The following IMMP2L variants were observed in gnomAD, a reference collection of about 807,000 sequenced individuals.
The protein encoded by IMMP2L is mitochondrial inner membrane protease subunit 2.
In IMMP2L, 18 loss-of-function variants were observed where a neutral mutation model predicts 19.3. That is an observed-to-expected ratio of 0.93 (90% confidence interval 0.64 to 1.38). The LOEUF is 1.38. IMMP2L is among the 40% of genes most tolerant of loss of function. The pLI is 0.00. For synonymous variants in IMMP2L, 76 were observed against 73.0 expected, an observed-to-expected ratio of 1.04 and a Z score of -0.21; for missense variants, 233 against 218.2, an observed-to-expected ratio of 1.07 and a Z score of -0.43.
chr7:111,102,105 A>T (rs944301521), intron 3 of IMMP2L, among the ~76,000 whole-genome samples: 1 of 151,444 alleles, frequency 6.6e-6, no homozygotes, highest in Non-Finnish European at 1.5e-5. Context: ...ATGAGTCAGA[A>T]TATAACAAAA....
At position 110,741,291 on chromosome 7, in the gene IMMP2L, T is replaced by C. The variant is rs537612912; in HGVS notation, c.409-77570A>G. Among the ~76,000 whole-genome samples, 37 of 152,112 alleles carry C rather than the reference T, an allele frequency of 2.4e-4. 1 individual carries two copies. Among genetic ancestry groups the C allele is most frequent in the Non-Finnish European group, 2.6e-4 (18 of 67,984 alleles). On this transcript the variant is annotated intron_variant, in intron 5 of 5. Coordinates refer to ENST00000405709, the MANE Select transcript of IMMP2L (RefSeq NM_032549.4). Reference sequence around the variant, plus strand: ...ACACGACCTGTTCCCCCAAAACCCATTGAAATAAAAAATAATAAAATAAAA... The same window carrying C: ...ACACGACCTGTTCCCCCAAAACCCACTGAAATAAAAAATAATAAAATAAAA...
At chr7:110,909,700 C>G (rs529477114) in intron 4 of IMMP2L, among the ~76,000 whole-genome samples, 100 of 152,208 alleles carry the variant, frequency 6.6e-4, no homozygotes, top group African/African-American at 2.3e-3. Flanking sequence ...AGTTGAGCAC[C>G]TCCCTATCCA....
chr7:111,177,860 CTTG>C (rs1389873642), intron 3 of IMMP2L, among the ~76,000 whole-genome samples: 1 of 152,054 alleles, frequency 6.6e-6, no homozygotes. Flanking sequence ...TTACAAGGTA[CTTG>C]TTGTCAGAGG....
intron 3 of IMMP2L, among the ~76,000 whole-genome samples, chr7:111,207,534 G>GT (rs376864629): frequency 0.049 from 4,406 of 89,994 alleles, 83 homozygotes; most frequent in Non-Finnish European, 0.06. Flanking sequence ...TTTATTTTTG[G>GT]TTTTTTTTTT....
At chr7:111,285,679 C>T (rs1008305217) in intron 3 of IMMP2L, among the ~76,000 whole-genome samples, 1 of 152,152 alleles carries the variant, frequency 6.6e-6, no homozygotes, top group African/African-American at 2.4e-5. Context: ...TTTCTCCCTC[C>T]TCAAGACTTC....
intron 4 of IMMP2L, among the ~76,000 whole-genome samples, chr7:110,892,020 T>C (rs995927662): frequency 6.6e-6 from 1 of 152,152 alleles, no homozygotes; most frequent in African/African-American, 2.4e-5. Flanking sequence ...GAAATTGATA[T>C]CCCAAAATAC....
At chr7:111,174,100 C>G (rs1806765327) in intron 3 of IMMP2L, among the ~76,000 whole-genome samples, 1 of 151,642 alleles carries the variant, frequency 6.6e-6, no homozygotes, top group Non-Finnish European at 1.5e-5. Context: ...CATACACATA[C>G]TCATATAAGA....
At chr7:111,099,954 G>A (rs1307393148) in intron 3 of IMMP2L, 2 of 151,512 alleles carry the variant, frequency 1.3e-5, no homozygotes, top group East Asian at 3.9e-4. Flanking sequence ...TCCACAGCCC[G>A]GACCCTGGGT....
At position 111,319,781 on chromosome 7, in the gene IMMP2L, G is replaced by C. The variant is rs994827647; in HGVS notation, c.239+167457C>G. Among the ~76,000 whole-genome samples the C allele has an allele frequency of 2.0e-5, 3 of 151,860 alleles. No homozygotes were observed. In the Admixed American group the frequency reaches 2.0e-4, roughly 10 times the overall value. ...AAACAAACAGATTAAAGGAAGACCA[G>C]AACATTGGCTGAAAATACACCTTCA... On this transcript the variant is annotated intron_variant, in intron 3 of 5. Coordinates refer to ENST00000405709, the MANE Select transcript of IMMP2L (RefSeq NM_032549.4).
In IMMP2L at chr7:110,849,355, G is replaced by C. The variant is rs551481051; in HGVS notation, c.408+37238C>G. Among the ~76,000 whole-genome samples, 13 of 152,184 alleles carry C rather than the reference G, an allele frequency of 8.5e-5. No homozygotes were observed. In the South Asian group the frequency reaches 2.7e-3, roughly 32 times the overall value. ...AAAACATAAAATAATCGAGAGATCT[G>C]TCTGTACTTTTAAAACAATACATGT... On this transcript the variant is annotated intron_variant, in intron 5 of 5. Coordinates refer to ENST00000405709, the MANE Select transcript of IMMP2L (RefSeq NM_032549.4).
At chr7:111,171,807 A>C (rs4730481) in intron 3 of IMMP2L, among the ~76,000 whole-genome samples, 112,440 of 151,090 alleles carry the variant, frequency 0.74, 44,425 homozygotes, top group East Asian at 0.91. Flanking sequence ...CTTACACTAA[A>C]AGCAGATAGA....
rs1384655407 is a variant in IMMP2L at position 110,691,012 on chromosome 7, T to C, written c.409-27291A>G. On this transcript the variant is annotated intron_variant, in intron 5 of 5. Coordinates refer to ENST00000405709, the MANE Select transcript of IMMP2L (RefSeq NM_032549.4). ...AACCAAAAAAGAGCCCAAATAGCCA[T>C]AACAATCCTAAACAAAAAGAATAAA... 2.6e-5 allele frequency among the ~76,000 whole-genome samples: 4 copies of C among 151,846 alleles called. No individual in the cohort carries two copies. The East Asian group carries it at 7.7e-4, about 29-fold the overall frequency.
At position 111,367,667 on chromosome 7, in the gene IMMP2L, A is replaced by G. The variant is rs571327076; in HGVS notation, c.239+119571T>C. ...TATTTTCCCTCTTTTCGCATGGGGA[A>G]AAAACAGAAATAGAAAGGTTAAGTA... On this transcript the variant is annotated intron_variant, in intron 3 of 5. Transcript: ENST00000405709. Among the ~76,000 whole-genome samples the G allele has an allele frequency of 7.2e-5, 11 of 152,076 alleles. No homozygotes were observed. In the East Asian group the frequency reaches 1.4e-3, roughly 19 times the overall value.
In IMMP2L at chr7:111,082,789, C is replaced by T. The variant is rs1479613133; in HGVS notation, c.240-119224G>A. ...AAGATGTAAGAAGTGCTCTTAATGGCGAGGGTTAATTTGCTCATTTTCTGC... is the reference window on the plus strand; with the variant it reads ...AAGATGTAAGAAGTGCTCTTAATGGTGAGGGTTAATTTGCTCATTTTCTGC... On this transcript the variant is annotated intron_variant, in intron 3 of 5. Transcript: ENST00000405709. 2.8e-5 allele frequency among the ~76,000 whole-genome samples: 4 copies of T among 144,212 alleles called. No homozygotes were observed. The East Asian group carries it at 8.0e-4, about 29-fold the overall frequency. The allele number at this position is 144,212 out of a possible 152,430, so 94.6% of individuals were successfully genotyped here.
chr7:111,137,020 A>T (rs2129596339), intron 3 of IMMP2L, among the ~76,000 whole-genome samples: 1 of 152,254 alleles, frequency 6.6e-6, no homozygotes, highest in Admixed American at 6.5e-5. Context: ...GCTTGCTGTT[A>T]TTATCATAAC....
chr7:111,204,733 T>A (rs1423367136), intron 3 of IMMP2L, among the ~76,000 whole-genome samples: 1 of 152,240 alleles, frequency 6.6e-6, no homozygotes, highest in East Asian at 1.9e-4. Context: ...TGTTTTGCTA[T>A]CCCCCATTTA....
chr7:110,841,598 T>C (rs1488859811), intron 5 of IMMP2L, among the ~76,000 whole-genome samples: 1 of 152,172 alleles, frequency 6.6e-6, no homozygotes, highest in Non-Finnish European at 1.5e-5. Flanking sequence ...ATAATAGATA[T>C]GTCATTCACA....
At chr7:111,115,538 TAAAG>T (rs1428841691) in intron 3 of IMMP2L, among the ~76,000 whole-genome samples, 2 of 152,192 alleles carry the variant, frequency 1.3e-5, no homozygotes, top group Non-Finnish European at 2.9e-5. Context: ...AAGAAAATTA[TAAAG>T]AGAGATTTCT....
At chr7:111,319,778 C>T (rs1563054431) in intron 3 of IMMP2L, among the ~76,000 whole-genome samples, 1 of 151,872 alleles carries the variant, frequency 6.6e-6, no homozygotes, top group Non-Finnish European at 1.5e-5. Flanking sequence ...TAAAGGAAGA[C>T]CAGAACATTG....
Sources: gnomAD v4.1 joint callset for allele counts (sites outside exome capture counted in the v4.1 genomes callset) on GRCh38, gnomAD v4.1.1 for gene constraint, MANE v1.5 for transcripts, NCBI Gene and HGNC (gene_info 2026-07-23, HGNC 2026-07-21) for gene names.